NR2E1: variants seen among roughly 807,000 people sequenced by gnomAD.
NR2E1 encodes the protein nuclear receptor TLX.
Under a neutral mutation model 43.6 loss-of-function variants are expected in NR2E1, and 5 were observed. That is an observed-to-expected ratio of 0.11 (90% CI 0.06 to 0.24). The LOEUF (loss-of-function observed/expected upper bound fraction) is 0.24. Ranked by LOEUF, NR2E1 falls within the 10% of genes least tolerant of loss-of-function variation. The probability of loss-of-function intolerance (pLI) is 1.00; values close to 1 mark genes in which losing one functional copy is unlikely to be tolerated. For missense variants in NR2E1, 287 were observed against 496.7 expected (o/e 0.58, Z 4.01); for synonymous variants, 191 against 195.5 (o/e 0.98, Z 0.19).
At chr6:108,183,296 C>G (rs1005381924) in intron 8 of NR2E1, among the ~76,000 whole-genome samples, 2 of 149,712 alleles carry the variant, frequency 1.3e-5, no homozygotes, top group African/African-American at 4.9e-5. Context: ...CTCAAGAGTT[C>G]GAGACCAGCC....
chr6:108,181,024 C>T (rs281865508), intron 7 of NR2E1, 68 bp downstream of exon 7: 276 of 1,532,570 alleles, frequency 1.8e-4, no homozygotes, highest in Non-Finnish European at 2.1e-4. Flanking sequence ...TCAGCCACCT[C>T]GAAGTCTGAA....
At chr6:108,171,337 T>C in intron 1 of NR2E1, 121 bp from the exon 2 acceptor site, 1 of 1,117,862 alleles carries the variant, frequency 8.9e-7, no homozygotes. Flanking sequence ...GCTTCGGTGC[T>C]AATCCCTTCA....
rs1251019078 is a variant in NR2E1, at chr6:108,176,549, A to G, written c.306A>G (p.Gln102=). The G allele has an allele frequency of 3.1e-6, 5 of 1,613,224 alleles. No individual in the cohort carries two copies. The Admixed American group carries it at 5.0e-5, about 16-fold the overall frequency. Residue 102 remains glutamine, a synonymous_variant, in exon 4 of 9, where the codon CAA becomes CAG. Coordinates refer to ENST00000368986, the MANE Select transcript of NR2E1 (RefSeq NM_003269.5). ...RGPRTSTIRK[Q]VALYFRGHKE... ...CTCGGACGTCCACCATCCGCAAGCA[A>G]GTGGCCCTCTACTTCCGTGGACACA...
Position 108,180,962 on chromosome 6 carries a change from C to G in NR2E1, c.889+6C>G. On this transcript the variant is annotated splice_donor_region_variant and intron_variant, in intron 7 of 8. Coordinates refer to ENST00000368986, the MANE Select transcript of NR2E1 (RefSeq NM_003269.5). The surrounding 1 kb of genome is among the most constrained non-coding windows in gnomAD (Gnocchi z 5.4). ...CATCGTCACTTTCAAAGCCGGTAAG[C>G]AGACACAGACCCCTGTTTCTTCTCC... 1 of 1,614,088 alleles carries G rather than the reference C, an allele frequency of 6.2e-7. No individual in the cohort carries two copies. The highest frequency in any genetic ancestry group is 8.5e-7 in the Non-Finnish European group (1 of 1,179,982).
Position 108,171,449 on chromosome 6 carries a change from C to T in NR2E1, c.26-9C>T, listed in dbSNP as rs1773810139. ...CTTCCCCCCTTCCCCGTCTTTCCTG[C>T]GATTTCAGGCCGCATTTTAGATATC... is the stretch of plus-strand genomic sequence containing the variant. On this transcript the variant is annotated splice_polypyrimidine_tract_variant and intron_variant, in intron 1 of 8. Coordinates refer to ENST00000368986, the MANE Select transcript of NR2E1 (RefSeq NM_003269.5). 1 of 1,613,808 alleles carries T rather than the reference C, an allele frequency of 6.2e-7. No individual in the cohort carries two copies.
intron 3 of NR2E1, 61 bp from the exon 4 acceptor site, chr6:108,176,442 G>A (rs773212387): frequency 2.0e-6 from 3 of 1,531,334 alleles, no homozygotes; most frequent in Non-Finnish European, 2.7e-6. Flanking sequence ...GGGGAGAGCC[G>A]CAGCGGCTGT....
In NR2E1 at chr6:108,169,337, G is replaced by A. The variant is rs573385551; in HGVS notation, c.26-2121G>A. ...CGGAAGCTCGGGCGGGGGAATCCGA[G>A]GAGGGGCCCCCACCCTGCACTGGTC... On this transcript the variant is annotated intron_variant, in intron 1 of 8. Transcript: ENST00000368986. This position sits in a 1 kb window ranked among gnomAD's most constrained non-coding sequence, Gnocchi z 6.1. 9.2e-5 allele frequency among the ~76,000 whole-genome samples: 14 copies of A among 152,304 alleles called. No homozygotes were observed. The highest frequency in any genetic ancestry group is 3.4e-4 in the African/African-American group (14 of 41,574).
At chr6:108,173,815 C>A (rs1267356596) in intron 2 of NR2E1, among the ~76,000 whole-genome samples, 1 of 152,208 alleles carries the variant, frequency 6.6e-6, no homozygotes, top group Non-Finnish European at 1.5e-5. Flanking sequence ...TATGTCCCCT[C>A]GGTAATGACA....
intron 8 of NR2E1, among the ~76,000 whole-genome samples, chr6:108,182,387 CT>C (rs937345297): frequency 7.3e-5 from 11 of 150,298 alleles, no homozygotes; most frequent in African/African-American, 2.2e-4. Flanking sequence ...GAGAGGCTAT[CT>C]TTTTTTTTGA....
At chr6:108,177,741 C>A (rs1773923070) in intron 4 of NR2E1, among the ~76,000 whole-genome samples, 1 of 152,242 alleles carries the variant, frequency 6.6e-6, no homozygotes, top group Non-Finnish European at 1.5e-5. Flanking sequence ...TTTTTCACAT[C>A]TATTTTTATT....
In NR2E1 at chr6:108,181,766, A is replaced by G. The variant is rs1773994693; in HGVS notation, c.995+115A>G. 2.4e-5 allele frequency: 19 copies of G among 807,688 alleles called. No individual in the cohort carries two copies. In the East Asian group the frequency reaches 4.4e-4, roughly 19 times the overall value. The allele number at this position is 807,688 out of a possible 1,614,324, so 50.0% of individuals were successfully genotyped here. ...GTGACTAATTATCTTGTTGCCAGCC[A>G]GTTAATTTAGGGAGAATCCATGTCC... On this transcript the variant is annotated intron_variant, in intron 8 of 8. Transcript: ENST00000368986.
At chr6:108,168,599 G>C (rs1773753460) in intron 1 of NR2E1, among the ~76,000 whole-genome samples, 1 of 152,284 alleles carries the variant, frequency 6.6e-6, no homozygotes. Flanking sequence ...CCCGGCTCAG[G>C]TCGGGACGCG....
intron 8 of NR2E1, among the ~76,000 whole-genome samples, chr6:108,185,405 C>G (rs1338885176): frequency 1.1e-5 from 1 of 94,202 alleles, no homozygotes; most frequent in Non-Finnish European, 2.0e-5. Flanking sequence ...CACGCACACA[C>G]ACATACACAC....
intron 1 of NR2E1, among the ~76,000 whole-genome samples, chr6:108,170,013 C>G (rs1773784132): frequency 6.7e-6 from 1 of 149,024 alleles, no homozygotes; most frequent in African/African-American, 2.5e-5. Context: ...TGAGACGAGT[C>G]TGGGACCCAC....
intron 8 of NR2E1, among the ~76,000 whole-genome samples, chr6:108,183,622 CAA>C (rs1236509343): frequency 1.3e-5 from 2 of 152,138 alleles, no homozygotes; most frequent in African/African-American, 4.8e-5. Flanking sequence ...AGAGAAATCC[CAA>C]GTCAACTCTG....
chr6:108,176,125 CT>C, intron 3 of NR2E1: 1 of 233,072 alleles, frequency 4.3e-6, no homozygotes, highest in Non-Finnish European at 8.4e-6. Flanking sequence ...CGCTCCCTCT[CT>C]TTTGGATGGG....
chr6:108,173,815 C>T (rs1267356596), intron 2 of NR2E1, among the ~76,000 whole-genome samples: 9 of 152,208 alleles, frequency 5.9e-5, no homozygotes, highest in Non-Finnish European at 8.8e-5. Flanking sequence ...TATGTCCCCT[C>T]GGTAATGACA....
intron 5 of NR2E1, 73 bp downstream of exon 5, chr6:108,178,314 C>T: frequency 6.4e-7 from 1 of 1,553,980 alleles, no homozygotes. Context: ...TATAAAACTT[C>T]CTCTATCCCT....
chr6:108,181,538 A>G lies in NR2E1; in HGVS notation c.890-8A>G, dbSNP rs768661343. ...TGTCTATCACAGTTTCCTGGTCTTC[A>G]TTTCTAGTTCCTACACATAGTGGTT... On this transcript the variant is annotated splice_polypyrimidine_tract_variant and splice_region_variant and intron_variant, in intron 7 of 8. Transcript: ENST00000368986. The G allele has an allele frequency of 3.7e-5, 59 of 1,610,774 alleles. No individual in the cohort carries two copies. The highest frequency in any genetic ancestry group is 4.9e-5 in the Non-Finnish European group (58 of 1,177,124).
Sources: allele counts gnomAD v4.1 joint callset (sites outside exome capture counted in the v4.1 genomes callset), GRCh38; gene constraint gnomAD v4.1.1; non-coding constraint Gnocchi (gnomAD v3.1); transcripts MANE v1.5; gene names NCBI Gene and HGNC (gene_info 2026-07-23, HGNC 2026-07-21).